SCARA3: variants seen among roughly 807,000 people sequenced by gnomAD.
SCARA3 encodes the protein scavenger receptor class A member 3, also known as cellular stress response gene protein.
SCARA3 carries 39 observed loss-of-function variants against 47.0 expected under a neutral mutation model. The observed-to-expected ratio is 0.83, with a 90% CI of 0.64 to 1.08. SCARA3 has a LOEUF of 1.08. SCARA3 is among the 50% of genes least tolerant of loss of function. The probability of loss-of-function intolerance (pLI) is 0.00; values close to 1 mark genes in which losing one functional copy is unlikely to be tolerated. For synonymous variants in SCARA3, 356 were observed against 334.1 expected (o/e 1.07, Z -0.71); for missense variants, 724 against 792.3 (o/e 0.91, Z 1.04).
At chr8:27,635,826 C>T (rs1801238788) in intron 1 of SCARA3, among the ~76,000 whole-genome samples, 1 of 152,154 alleles carries the variant, frequency 6.6e-6, no homozygotes. Context: ...TCCTTTTACA[C>T]TGGGCCCCAC....
At chr8:27,722,862 G>T in the SCARA3 span, among the ~76,000 whole-genome samples, 1 of 152,206 alleles carries the variant, frequency 6.6e-6, no homozygotes, top group Admixed American at 6.5e-5. Flanking sequence ...CTCCAACAGG[G>T]TATCCCTTTT....
chr8:27,676,067 A>T (rs1357998435), downstream of SCARA3, among the ~76,000 whole-genome samples: 1 of 152,222 alleles, frequency 6.6e-6, no homozygotes, highest in African/African-American at 2.4e-5. Context: ...CATTTTATAG[A>T]TCAGAAAACA....
At position 27,634,112 on chromosome 8, in the gene SCARA3, G is replaced by T; in HGVS notation, c.-89G>T. On this transcript the variant is annotated 5_prime_UTR_variant, in exon 1 of 6. Transcript: ENST00000301904. The stretch of plus-strand genomic sequence containing the variant: ...CGGGCGGCGCCTAGGACGGCGATCC[G>T]CGCCCTGGAGGATCCGCCGGCCGCC... 1 of 1,289,750 alleles carries T rather than the reference G, an allele frequency of 7.8e-7. No homozygotes were observed. 79.9% of individuals were successfully genotyped at this position (1,289,750 alleles called of 1,614,324 possible).
intron 1 of SCARA3, among the ~76,000 whole-genome samples, chr8:27,648,625 A>T (rs1801561935): frequency 6.6e-6 from 1 of 152,072 alleles, no homozygotes; most frequent in Admixed American, 6.5e-5. Context: ...AAAAGGAAAA[A>T]AGGAAAACTT....
At chr8:27,641,676 G>A (rs1288938317) in intron 1 of SCARA3, among the ~76,000 whole-genome samples, 2 of 152,194 alleles carry the variant, frequency 1.3e-5, no homozygotes, top group African/African-American at 2.4e-5. Context: ...GAAGGAGAGC[G>A]AGGAAAGGCT....
chr8:27,705,041 TCA>T, the SCARA3 span, among the ~76,000 whole-genome samples: 1 of 152,100 alleles, frequency 6.6e-6, no homozygotes, highest in Non-Finnish European at 1.5e-5. Flanking sequence ...AAAACGGAAC[TCA>T]CACCACAGCT....
chr8:27,633,678 CG>C (rs1222850383), upstream of SCARA3, among the ~76,000 whole-genome samples: 9 of 151,950 alleles, frequency 5.9e-5, no homozygotes, highest in African/African-American at 2.2e-4. Flanking sequence ...TGTGGGGCTG[CG>C]GGGGCGCACG....
the SCARA3 span, among the ~76,000 whole-genome samples, chr8:27,685,746 A>C: frequency 6.6e-6 from 1 of 152,188 alleles, no homozygotes. Context: ...TTGTCAAAAA[A>C]AGAAAGAAAA....
At position 27,659,069 on chromosome 8, in the gene SCARA3, TG is replaced by T. The variant is rs1416166242; in HGVS notation, c.901del (p.Val301TyrfsTer99). ...CAGAACTCAGAGAGCATGCACGACC[TG>T]GTACTCCAGGTCATGGGCTTGCAGC... ...ISQNSESMHD[L>X]VLQVMGLQLQ... On this transcript the variant is annotated frameshift_variant, in exon 5 of 6. Transcript: ENST00000301904. LOFTEE classifies it high-confidence loss of function. 5 of 1,614,080 alleles carry T rather than the reference TG, an allele frequency of 3.1e-6. No homozygotes were observed. Among genetic ancestry groups the T allele is most frequent in the Non-Finnish European group, 1.7e-6 (2 of 1,180,020 alleles).
intron 3 of SCARA3, among the ~76,000 whole-genome samples, chr8:27,656,573 G>A (rs1359841279): frequency 6.6e-6 from 1 of 152,108 alleles, no homozygotes; most frequent in Non-Finnish European, 1.5e-5. Context: ...AACATGTGGG[G>A]TGTGGGGTGA....
At chr8:27,648,553 G>A (rs887785789) in intron 1 of SCARA3, among the ~76,000 whole-genome samples, 3 of 151,906 alleles carry the variant, frequency 2.0e-5, no homozygotes, top group Non-Finnish European at 4.4e-5. Context: ...GCAGTGAGCC[G>A]AGATAGCACC....
At chr8:27,703,680 G>A in the SCARA3 span, 1 of 152,134 alleles carries the variant, frequency 6.6e-6, no homozygotes, top group African/African-American at 2.4e-5. Flanking sequence ...TACAAACCCA[G>A]GACTCCGGAC....
At position 27,671,698 on chromosome 8, in the gene SCARA3, G is replaced by T; in HGVS notation, c.*347G>T. On this transcript the variant is annotated 3_prime_UTR_variant, in exon 6 of 6. Coordinates refer to ENST00000301904, the MANE Select transcript of SCARA3 (RefSeq NM_016240.3). ...CACATACACGTGCACACATACACAGGCACACATGCATGCACACATACACAT... is the reference window on the plus strand; with the variant it reads ...CACATACACGTGCACACATACACAGTCACACATGCATGCACACATACACAT... 1 of 1,048,270 alleles carries T rather than the reference G, an allele frequency of 9.5e-7. No individual in the cohort carries two copies. 64.9% of individuals were successfully genotyped at this position (1,048,270 alleles called of 1,614,324 possible). A position where few individuals can be genotyped will look rare whatever the true frequency, so the allele number is the denominator to read the frequency against.
At chr8:27,644,381 A>G (rs1034250764) in intron 1 of SCARA3, among the ~76,000 whole-genome samples, 8 of 152,180 alleles carry the variant, frequency 5.3e-5, no homozygotes, top group African/African-American at 1.7e-4. Flanking sequence ...GCCCTCCCTC[A>G]TAGCAGCTGT....
intron 1 of SCARA3, among the ~76,000 whole-genome samples, chr8:27,643,387 A>G (rs1018193723): frequency 3.9e-5 from 6 of 152,184 alleles, no homozygotes; most frequent in African/African-American, 7.2e-5. Flanking sequence ...ATGGGGACCA[A>G]AAAAGGGGCG....
intron 1 of SCARA3, among the ~76,000 whole-genome samples, chr8:27,636,736 A>G (rs945585747): frequency 6.6e-6 from 1 of 152,200 alleles, no homozygotes; most frequent in African/African-American, 2.4e-5. Flanking sequence ...GAAACCCCTC[A>G]GTGATCTCCC....
Position 27,659,288 on chromosome 8 carries a change from G to T in SCARA3, c.1118G>T (p.Ser373Ile). 2 of 1,614,150 alleles carry T rather than the reference G, an allele frequency of 1.2e-6. No homozygotes were observed. Among genetic ancestry groups the T allele is most frequent in the Non-Finnish European group, 1.7e-6 (2 of 1,180,038 alleles). Residue 373 changes from serine (S) to isoleucine (I), a missense_variant, in exon 5 of 6, where the codon AGC becomes ATC. Physicochemically the swap from Ser to Ile is moderately radical, Grantham distance 142 (BLOSUM62 -2). Transcript: ENST00000301904. ...AATGCCACCGACAACCACGTGCACA[G>T]CATGCTCAAGTACCTGGATGACGTG... is the stretch of plus-strand genomic sequence containing the variant. ...NINATDNHVH[S>I]MLKYLDDVRL...
chr8:27,725,114 C>T, the SCARA3 span, among the ~76,000 whole-genome samples: 1 of 152,206 alleles, frequency 6.6e-6, no homozygotes, highest in Non-Finnish European at 1.5e-5. Flanking sequence ...TGCACCACTG[C>T]ACTCCAGCCT....
At chr8:27,676,488 A>G (rs1802279287), downstream of SCARA3, 1 of 1,543,494 alleles carries the variant, frequency 6.5e-7, no homozygotes, top group African/African-American at 1.4e-5. Flanking sequence ...AGTCTCCAAC[A>G]TAGGTGTCCA....
Sources: allele counts gnomAD v4.1 joint callset (sites outside exome capture counted in the v4.1 genomes callset), GRCh38; gene constraint gnomAD v4.1.1; transcripts MANE v1.5; gene names NCBI Gene and HGNC (gene_info 2026-07-23, HGNC 2026-07-21).